ZNF827: variants seen among roughly 807,000 people sequenced by gnomAD.
The protein encoded by ZNF827 is zinc finger protein 827.
A neutral mutation model predicts 102.4 loss-of-function variants in ZNF827; 13 were observed. The ratio of observed to expected loss-of-function variants is 0.13; its 90% CI spans 0.08 to 0.20. The LOEUF is 0.20. Ranked by LOEUF, ZNF827 falls within the 10% of genes least tolerant of loss-of-function variation. The probability of loss-of-function intolerance (pLI) is 1.00; values close to 1 mark genes in which losing one functional copy is unlikely to be tolerated. For synonymous variants in ZNF827, 523 were observed against 536.2 expected, an observed-to-expected ratio of 0.98 and a Z score of 0.34; for missense variants, 1,103 against 1,344.4, an observed-to-expected ratio of 0.82 and a Z score of 2.81.
rs1427623492 is a variant in ZNF827, at chr4:145,775,770, T to A, written c.2693+19A>T. 5 of 1,613,988 alleles carry A rather than the reference T, an allele frequency of 3.1e-6. No individual in the cohort carries two copies. Among genetic ancestry groups the A allele is most frequent in the Non-Finnish European group, 4.2e-6 (5 of 1,179,924 alleles). ...AGAGTCTGAGAAAGGCGGACTAGCA[T>A]GTTCCATCTGCAACTCACCTGTAAT... On this transcript the variant is annotated intron_variant, in intron 10 of 14. Coordinates refer to ENST00000508784, the MANE Select transcript of ZNF827 (RefSeq NM_001306215.2).
At chr4:145,869,156 T>C (rs953326994) in intron 5 of ZNF827, among the ~76,000 whole-genome samples, 3 of 152,230 alleles carry the variant, frequency 2.0e-5, no homozygotes, top group Non-Finnish European at 2.9e-5. Flanking sequence ...TCATGTTACC[T>C]TGAACTTCCA....
intron 1 of ZNF827, among the ~76,000 whole-genome samples, chr4:145,926,527 A>G (rs1162433511): frequency 6.6e-6 from 1 of 152,186 alleles, no homozygotes; most frequent in Non-Finnish European, 1.5e-5. Flanking sequence ...CCATACTTAA[A>G]TTCTTTTAGC....
intron 1 of ZNF827, among the ~76,000 whole-genome samples, chr4:145,912,003 TTA>T (rs1215224142): frequency 1.3e-5 from 2 of 152,206 alleles, no homozygotes; most frequent in Non-Finnish European, 2.9e-5. Flanking sequence ...TTCCAAAAAG[TTA>T]ATGGCTTACA....
chr4:145,935,105 A>C (rs558404016), intron 1 of ZNF827, among the ~76,000 whole-genome samples: 12 of 152,106 alleles, frequency 7.9e-5, no homozygotes, highest in Non-Finnish European at 1.8e-4. Context: ...TCAACTTTTA[A>C]ATCTGCCCCT....
At chr4:145,884,415 G>C (rs556137550) in intron 4 of ZNF827, among the ~76,000 whole-genome samples, 1 of 152,166 alleles carries the variant, frequency 6.6e-6, no homozygotes, top group Non-Finnish European at 1.5e-5. Context: ...CCATTTAAAG[G>C]AAGGTGGTGA....
chr4:145,918,355 A>C (rs1169442997), intron 1 of ZNF827, among the ~76,000 whole-genome samples: 2 of 149,950 alleles, frequency 1.3e-5, no homozygotes, highest in Middle Eastern at 3.4e-3. Context: ...AAAAAAAAAA[A>C]AAAACTGGCT....
chr4:145,849,415 T>C lies in ZNF827; in HGVS notation c.2128A>G (p.Lys710Glu). The C allele has an allele frequency of 6.2e-7, 1 of 1,614,178 alleles. No individual in the cohort carries two copies. Among genetic ancestry groups the C allele is most frequent in the Non-Finnish European group, 8.5e-7 (1 of 1,180,030 alleles). ...GGGGGTACTCTGCCCTCTGGCATCT[T>C]CTGTAAGGGTTCGGTTTTCTCTCGC... ...IGREKTEPLQ[K>E]MPEGRVPPER... Residue 710 changes from lysine to glutamate, a missense_variant, in exon 6 of 15, where the codon AAG (lysine) becomes GAG (glutamate). Around this residue, in one of 5 missense-constraint regions of ZNF827, gnomAD observed 243 missense variants for 251.6 expected, o/e 0.97. Coordinates refer to ENST00000508784, the MANE Select transcript of ZNF827 (RefSeq NM_001306215.2).
intron 8 of ZNF827, among the ~76,000 whole-genome samples, chr4:145,818,249 A>G (rs1468447609): frequency 6.6e-6 from 1 of 152,222 alleles, no homozygotes; most frequent in Admixed American, 6.5e-5. Context: ...AGGCAGCAAG[A>G]TAGGGCAGAA....
At chr4:145,764,703 T>C (rs745601303) in intron 13 of ZNF827, 30 of 432,620 alleles carry the variant, frequency 6.9e-5, no homozygotes, top group Non-Finnish European at 1.1e-4. Context: ...ACTCAAGCAG[T>C]GTAGTCTATT....
chr4:145,843,094 G>A (rs1455037096), intron 7 of ZNF827, among the ~76,000 whole-genome samples: 2 of 151,790 alleles, frequency 1.3e-5, no homozygotes, highest in African/African-American at 4.8e-5. Flanking sequence ...CCTGATATCA[G>A]TTAACTCAGG....
intron 8 of ZNF827, among the ~76,000 whole-genome samples, chr4:145,808,809 T>C (rs1371896721): frequency 6.6e-6 from 1 of 152,224 alleles, no homozygotes; most frequent in Non-Finnish European, 1.5e-5. Flanking sequence ...TTAATTTTAT[T>C]TTTTAGAGGC....
chr4:145,926,211 C>A (rs774240030), intron 1 of ZNF827, among the ~76,000 whole-genome samples: 9 of 152,168 alleles, frequency 5.9e-5, no homozygotes, highest in Non-Finnish European at 1.2e-4. Flanking sequence ...TCGGTTATCA[C>A]ACACAAGCTG....
At chr4:145,884,760 G>A (rs1191961785) in intron 4 of ZNF827, among the ~76,000 whole-genome samples, 1 of 151,990 alleles carries the variant, frequency 6.6e-6, no homozygotes, top group African/African-American at 2.4e-5. Context: ...ACAATTTGAT[G>A]GTGATAGAAA....
chr4:145,855,532 C>T (rs1747001697), intron 5 of ZNF827, among the ~76,000 whole-genome samples: 2 of 152,176 alleles, frequency 1.3e-5, no homozygotes, highest in South Asian at 2.1e-4. Flanking sequence ...ACATCTTTAT[C>T]TTGGGACTGG....
chr4:145,864,299 C>T (rs535486122), intron 5 of ZNF827, among the ~76,000 whole-genome samples: 2 of 151,678 alleles, frequency 1.3e-5, no homozygotes, highest in African/African-American at 4.8e-5. Flanking sequence ...CATAGTAGCT[C>T]ACACCTGTAA....
At chr4:145,854,101 T>G (rs535791634) in intron 5 of ZNF827, among the ~76,000 whole-genome samples, 5 of 152,014 alleles carry the variant, frequency 3.3e-5, no homozygotes, top group Admixed American at 6.5e-5. Context: ...ATAATATTTT[T>G]TATCTTCCAA....
chr4:145,799,199 C>G (rs1740652485), intron 8 of ZNF827, among the ~76,000 whole-genome samples: 1 of 152,100 alleles, frequency 6.6e-6, no homozygotes, highest in Non-Finnish European at 1.5e-5. Context: ...ATTTACAAAC[C>G]AAATGAAATT....
chr4:145,806,376 G>A (rs1257732640), intron 8 of ZNF827, among the ~76,000 whole-genome samples: 4 of 151,676 alleles, frequency 2.6e-5, no homozygotes, highest in African/African-American at 7.3e-5. Context: ...GGCTGGTCTC[G>A]AACTCCTGAG....
At chr4:145,860,920 C>G (rs542322288) in intron 5 of ZNF827, among the ~76,000 whole-genome samples, 1 of 152,338 alleles carries the variant, frequency 6.6e-6, no homozygotes, top group South Asian at 2.1e-4. Flanking sequence ...TATGGACACT[C>G]CCCTGCCCAA....
Sources: allele counts gnomAD v4.1 joint callset (sites outside exome capture counted in the v4.1 genomes callset), GRCh38; gene constraint gnomAD v4.1.1; regional missense constraint gnomAD v4.1.1; transcripts MANE v1.5; gene names NCBI Gene and HGNC (gene_info 2026-07-23, HGNC 2026-07-21).